PNLDC1: variants seen among roughly 807,000 people sequenced by gnomAD.
The protein encoded by PNLDC1 is PARN like ribonuclease domain containing exonuclease 1, also known as poly(A)-specific ribonuclease PNLDC1.
Under a neutral mutation model 82.0 loss-of-function variants are expected in PNLDC1, and 70 were observed. That is an observed-to-expected ratio of 0.85 (90% CI 0.70 to 1.04). The LOEUF is 1.04. PNLDC1 is among the 50% of genes least tolerant of loss of function. The pLI, the probability that PNLDC1 is intolerant of heterozygous loss-of-function variation, is 0.00. For missense variants in PNLDC1, 631 were observed against 661.1 expected (o/e 0.95, Z 0.50); for synonymous variants, 280 against 249.3 (o/e 1.12, Z -1.16).
chr6:159,801,709 G>A (rs1049544409), intron 3 of PNLDC1, among the ~76,000 whole-genome samples: 1 of 151,744 alleles, frequency 6.6e-6, no homozygotes, highest in Admixed American at 6.6e-5. Flanking sequence ...GCCTCTCAAA[G>A]TGATGGAATT....
intron 16 of PNLDC1, 60 bp downstream of exon 16, chr6:159,818,714 G>T: frequency 6.7e-7 from 1 of 1,497,936 alleles, no homozygotes; most frequent in South Asian, 1.1e-5. Flanking sequence ...TTGCTGGGAA[G>T]CGGCCAGTGC....
intron 14 of PNLDC1, 129 bp downstream of exon 14, chr6:159,816,725 T>A (rs1206354084): frequency 1.3e-6 from 1 of 788,744 alleles, no homozygotes; most frequent in East Asian, 2.7e-5. Flanking sequence ...CTCTACCTCC[T>A]GGGCTCAGGT....
chr6:159,810,581 A>G (rs1781613417), intron 10 of PNLDC1, among the ~76,000 whole-genome samples: 1 of 152,140 alleles, frequency 6.6e-6, no homozygotes, highest in Non-Finnish European at 1.5e-5. Flanking sequence ...TTCATGGTTG[A>G]TTCCATTATT....
Position 159,800,675 on chromosome 6 carries a change from G to A in PNLDC1, c.77-97G>A, listed in dbSNP as rs774941015. ...CTCACTTGGCTTCTTGAGCGCAGAG[G>A]TGAGCGCGGGTGCCTTGGCCGCCTG... On this transcript the variant is annotated intron_variant, in intron 1 of 18. Transcript: ENST00000392167. 2.5e-6 allele frequency: 4 copies of A among 1,613,716 alleles called. No homozygotes were observed. In the Admixed American group the frequency reaches 5.0e-5, roughly 20 times the overall value.
intron 7 of PNLDC1, among the ~76,000 whole-genome samples, chr6:159,807,518 C>T (rs1467328629): frequency 1.3e-5 from 2 of 152,234 alleles, no homozygotes; most frequent in Non-Finnish European, 2.9e-5. Flanking sequence ...AGCTTGACAG[C>T]TTCCCAGTAC....
At chr6:159,808,102 C>T (rs1003306833) in intron 7 of PNLDC1, among the ~76,000 whole-genome samples, 5 of 152,030 alleles carry the variant, frequency 3.3e-5, no homozygotes, top group African/African-American at 1.2e-4. Context: ...TTAGTAGAGT[C>T]AGGGTTTCAC....
At chr6:159,800,738 A>G (rs1426579001) in intron 1 of PNLDC1, 34 bp from the exon 2 acceptor site, 3 of 1,614,184 alleles carry the variant, frequency 1.9e-6, no homozygotes, top group East Asian at 2.2e-5. Context: ...GATGTTCTGC[A>G]CCCGAGGACT....
At chr6:159,815,263 C>A (rs891857648) in intron 12 of PNLDC1, among the ~76,000 whole-genome samples, 1 of 152,236 alleles carries the variant, frequency 6.6e-6, no homozygotes, top group African/African-American at 2.4e-5. Flanking sequence ...GGTGTCCCAG[C>A]CTTGTGGCCT....
chr6:159,803,466 A>T, intron 4 of PNLDC1, 156 bp downstream of exon 4: 1 of 653,312 alleles, frequency 1.5e-6, no homozygotes, highest in Non-Finnish European at 2.6e-6. Flanking sequence ...CCCTCTGCGG[A>T]TTCCAGCTTG....
chr6:159,816,117 C>CCCACACCCCTCCCCACCCCCCCG (rs1781807557), intron 13 of PNLDC1, 84 bp downstream of exon 13: 114 of 1,028,434 alleles, frequency 1.1e-4, no homozygotes, highest in South Asian at 4.0e-4. Flanking sequence ...CCCTGGTTCC[C>CCCACACCCCTCCCCACCCCCCCG]CCACACCCCT....
chr6:159,802,916 TTTTC>T (rs1342540115), intron 3 of PNLDC1, among the ~76,000 whole-genome samples: 1 of 151,796 alleles, frequency 6.6e-6, no homozygotes, highest in Non-Finnish European at 1.5e-5. Flanking sequence ...TTGCATATGG[TTTTC>T]TTTGAGGGGG....
chr6:159,818,746 AT>A (rs1490141909), intron 16 of PNLDC1, 92 bp downstream of exon 16: 17 of 1,345,170 alleles, frequency 1.3e-5, no homozygotes, highest in Non-Finnish European at 1.8e-5. Flanking sequence ...CGTGAGAGGG[AT>A]TTCGGTGGTC....
chr6:159,820,514 C>T lies in PNLDC1; in HGVS notation c.1593C>T (p.Thr531=), dbSNP rs1227964570. The T allele has an allele frequency of 5.0e-6, 8 of 1,613,992 alleles. No homozygotes were observed. Among genetic ancestry groups the T allele is most frequent in the Non-Finnish European group, 6.8e-6 (8 of 1,180,036 alleles). ...LLAFILGRSG[T] is the part of the protein sequence containing the mutation. ...CGTTCATCCTTGGAAGATCTGGTAC[C>T]TGAGTGCAGCGAGGCCTCCTGCGGC... The change falls in exon 19 of 19, where the codon ACC becomes ACT. Residue 531 remains threonine (T), a synonymous_variant. Coordinates refer to ENST00000392167, the MANE Select transcript of PNLDC1 (RefSeq NM_001271862.2).
intron 12 of PNLDC1, among the ~76,000 whole-genome samples, chr6:159,814,867 G>T (rs939688299): frequency 1.3e-5 from 2 of 152,160 alleles, no homozygotes; most frequent in Non-Finnish European, 2.9e-5. Flanking sequence ...ACTTAGAACA[G>T]CCCCTTGCAT....
intron 1 of PNLDC1, 193 bp from the exon 2 acceptor site, chr6:159,800,579 T>G: frequency 1.4e-6 from 2 of 1,469,544 alleles, no homozygotes; most frequent in East Asian, 4.6e-5. Context: ...ACGTCCCTTG[T>G]TGGCCAGAGC....
In PNLDC1 at chr6:159,809,062, C is replaced by T; in HGVS notation, c.687C>T (p.Asn229=). Residue 229 remains asparagine, a synonymous_variant, in exon 9 of 19, where the codon AAC becomes AAT. Transcript: ENST00000392167. ...AACAACATCGTTGGTATCTTCAGAACACCTCTTGTGACCGAGAGAGCTGTT... is the reference window on the plus strand; with the variant it reads ...AACAACATCGTTGGTATCTTCAGAATACCTCTTGTGACCGAGAGAGCTGTT... ...VSKQHRWYLQ[N]TSCDRESCWK... The T allele has an allele frequency of 6.2e-7, 1 of 1,614,032 alleles. No homozygotes were observed. The highest frequency in any genetic ancestry group is 8.5e-7 in the Non-Finnish European group (1 of 1,180,000).
chr6:159,814,933 G>A (rs919344515), intron 12 of PNLDC1, among the ~76,000 whole-genome samples: 1 of 152,150 alleles, frequency 6.6e-6, no homozygotes, highest in Non-Finnish European at 1.5e-5. Context: ...AATCCTAAAG[G>A]ACAGCTCATG....
chr6:159,801,259 A>G, intron 3 of PNLDC1, 73 bp downstream of exon 3: 1 of 1,376,644 alleles, frequency 7.3e-7, no homozygotes, highest in South Asian at 1.2e-5. Context: ...TACTGTAAAA[A>G]CAGCTCTGAG....
chr6:159,819,282 G>C lies in PNLDC1; in HGVS notation c.1462G>C (p.Asp488His), dbSNP rs755657453. 1.2e-5 allele frequency: 19 copies of C among 1,613,790 alleles called. No homozygotes were observed. Among genetic ancestry groups the C allele is most frequent in the Non-Finnish European group, 1.6e-5 (19 of 1,180,022 alleles). ...DARNILKEYRDHPTLCISLYR... is the reference protein window; with the variant it reads ...DARNILKEYRHHPTLCISLYR... ...GCGGAACATCCTGAAGGAGTACCGGGACCACCCGACCCTGTGCATCTCCCT... is the reference window on the plus strand; with the variant it reads ...GCGGAACATCCTGAAGGAGTACCGGCACCACCCGACCCTGTGCATCTCCCT... The change falls in exon 18 of 19, where the codon GAC becomes CAC. Residue 488 changes from aspartate (D) to histidine (H), a missense_variant. Coordinates refer to ENST00000392167, the MANE Select transcript of PNLDC1 (RefSeq NM_001271862.2). This position sits in a 1 kb window ranked among gnomAD's most constrained non-coding sequence, Gnocchi z 4.6.
Sources: gnomAD v4.1 joint callset for allele counts (sites outside exome capture counted in the v4.1 genomes callset) on GRCh38, gnomAD v4.1.1 for gene constraint, Gnocchi (gnomAD v3.1) non-coding constraint, MANE v1.5 for transcripts, NCBI Gene and HGNC (gene_info 2026-07-23, HGNC 2026-07-21) for gene names.